OPTN: variants seen among roughly 807,000 people sequenced by gnomAD.
OPTN encodes the protein optineurin.
A neutral mutation model predicts 70.4 loss-of-function variants in OPTN; 54 were observed. The ratio of observed to expected loss-of-function variants is 0.77; its 90% CI spans 0.62 to 0.96. The LOEUF (loss-of-function observed/expected upper bound fraction) is 0.96, where lower values mean the gene tolerates loss of function less well. OPTN is among the 40% of genes least tolerant of loss of function. The pLI, the probability that OPTN is intolerant of heterozygous loss-of-function variation, is 0.00. For missense variants in OPTN, 624 were observed against 673.2 expected (o/e 0.93, Z 0.81); for synonymous variants, 256 against 248.5 (o/e 1.03, Z -0.28).
At chr10:13,109,016 G>T in intron 2 of OPTN, 96 bp from the exon 3 acceptor site, 1 of 1,106,134 alleles carries the variant, frequency 9.0e-7, no homozygotes, top group Non-Finnish European at 1.4e-6. Flanking sequence ...AACTTTTGGA[G>T]TAAGTATTAG....
At chr10:13,133,444 G>A (rs1833633408) in intron 13 of OPTN, 58 bp from the exon 14 acceptor site, 2 of 1,421,670 alleles carry the variant, frequency 1.4e-6, no homozygotes, top group South Asian at 1.1e-5. Context: ...TCTGCTCAGT[G>A]TTGTCATGTT....
At chr10:13,108,905 C>T (rs1288619924) in intron 2 of OPTN, 20 of 580,880 alleles carry the variant, frequency 3.4e-5, no homozygotes, top group Admixed American at 4.9e-5. Context: ...TGCACACATG[C>T]GCGTGCACAC....
intron 8 of OPTN, among the ~76,000 whole-genome samples, chr10:13,123,432 G>A (rs1328087204): frequency 1.3e-5 from 2 of 152,194 alleles, no homozygotes; most frequent in African/African-American, 4.8e-5. Flanking sequence ...GTTGAAAGAA[G>A]AGAGAACATT....
intron 10 of OPTN, 149 bp downstream of exon 10, chr10:13,125,716 G>A (rs1833443735): frequency 3.2e-6 from 3 of 934,924 alleles, no homozygotes; most frequent in South Asian, 3.3e-5. Flanking sequence ...TCAGAGAGGG[G>A]GATAAAATTT....
At chr10:13,127,374 A>G (rs825411) in intron 11 of OPTN, among the ~76,000 whole-genome samples, 78,687 of 152,128 alleles carry the variant, frequency 0.52, 20,362 homozygotes, top group Middle Eastern at 0.63. Context: ...GCAAAATAAC[A>G]GTATCAACGA....
rs77188146 is a variant in OPTN, at chr10:13,120,698, T to A, written c.779+1658T>A. Among the ~76,000 whole-genome samples the A allele has an allele frequency of 8.5e-3, 1,293 of 152,328 alleles. 13 individuals carry two copies. The highest frequency in any genetic ancestry group is 0.028 in the African/African-American group (1,166 of 41,560). ...TCATTAGACTCTCAGTTCTGTTTCA[T>A]TGATCTATGTTTGTCCTTACGCCAG... On this transcript the variant is annotated intron_variant, in intron 7 of 14. Coordinates refer to ENST00000378747, the MANE Select transcript of OPTN (RefSeq NM_001008212.2).
intron 5 of OPTN, among the ~76,000 whole-genome samples, chr10:13,115,402 CTG>C (rs1349454920): frequency 1.2e-4 from 10 of 81,086 alleles, no homozygotes; most frequent in Non-Finnish European, 2.1e-4. Flanking sequence ...ATAGATATAT[CTG>C]TATTTATATT....
At position 13,100,294 on chromosome 10, in the gene OPTN, G is replaced by T; in HGVS notation, c.-172G>T. ...CAGTGACCCTGAGCGAAGCCAAGCC[G>T]GGCGGCAGGTGAGCCAGGGCAGGGG... On this transcript the variant is annotated 5_prime_UTR_variant, in exon 1 of 15. Coordinates refer to ENST00000378747, the MANE Select transcript of OPTN (RefSeq NM_001008212.2). 1 of 152,592 alleles carries T rather than the reference G, an allele frequency of 6.6e-6. No individual in the cohort carries two copies. Among genetic ancestry groups the T allele is most frequent in the South Asian group, 2.0e-4 (1 of 4,924 alleles). 9.5% of individuals were successfully genotyped at this position (152,592 alleles called of 1,614,324 possible).
intron 2 of OPTN, chr10:13,108,837 C>A (rs935236446): frequency 1.5e-5 from 6 of 405,138 alleles, no homozygotes; most frequent in Non-Finnish European, 2.8e-5. Flanking sequence ...TGAGCCACCA[C>A]GCCCGGCCCT....
chr10:13,109,295 A>G lies in OPTN; in HGVS notation c.166+7A>G, dbSNP rs778199952. ...GAGAACCACCAGCTGAAAGGTGAGC[A>G]GGGCTGGCCCCTGTGTGCCCCATTC... On this transcript the variant is annotated splice_region_variant and intron_variant, in intron 3 of 14. Transcript: ENST00000378747. The G allele has an allele frequency of 1.2e-6, 2 of 1,613,828 alleles. No homozygotes were observed. Among genetic ancestry groups the G allele is most frequent in the East Asian group, 4.5e-5 (2 of 44,878 alleles).
At chr10:13,117,809 C>CA (rs1216363526) in intron 6 of OPTN, among the ~76,000 whole-genome samples, 3 of 152,094 alleles carry the variant, frequency 2.0e-5, no homozygotes, top group African/African-American at 7.2e-5. Flanking sequence ...GAATGACTTA[C>CA]AAAACGTGAA....
At chr10:13,117,904 A>AT (rs1689727070) in intron 6 of OPTN, among the ~76,000 whole-genome samples, 1 of 152,236 alleles carries the variant, frequency 6.6e-6, no homozygotes, top group African/African-American at 2.4e-5. Context: ...AAACACAGTA[A>AT]TTGGCATAAA....
intron 14 of OPTN, among the ~76,000 whole-genome samples, chr10:13,134,514 C>T (rs2131531828): frequency 6.6e-6 from 1 of 152,304 alleles, no homozygotes; most frequent in Non-Finnish European, 1.5e-5. Context: ...ATCACTGCAA[C>T]CTCCGCCTCC....
chr10:13,133,641 A>C, intron 14 of OPTN, 60 bp downstream of exon 14: 7 of 1,485,150 alleles, frequency 4.7e-6, no homozygotes, highest in Admixed American at 1.7e-5. Context: ...AAGATGCTTG[A>C]AGAAAAATTC....
At chr10:13,102,432 A>G (rs1440054501) in intron 1 of OPTN, among the ~76,000 whole-genome samples, 1 of 152,252 alleles carries the variant, frequency 6.6e-6, no homozygotes, top group African/African-American at 2.4e-5. Flanking sequence ...ACAGGGCTGA[A>G]AGCCAGTCAT....
intron 5 of OPTN, among the ~76,000 whole-genome samples, chr10:13,113,759 A>C (rs1199813711): frequency 6.6e-6 from 1 of 152,144 alleles, no homozygotes; most frequent in Non-Finnish European, 1.5e-5. Context: ...TACATATCTG[A>C]TACAGGAAAA....
At chr10:13,118,656 G>GT (rs1833273517) in intron 6 of OPTN, among the ~76,000 whole-genome samples, 1 of 152,182 alleles carries the variant, frequency 6.6e-6, no homozygotes, top group South Asian at 2.1e-4. Context: ...TGTGTGCATT[G>GT]TAAGCTGGCC....
At chr10:13,119,823 T>C (rs1308123630) in intron 7 of OPTN, among the ~76,000 whole-genome samples, 1 of 152,222 alleles carries the variant, frequency 6.6e-6, no homozygotes, top group Non-Finnish European at 1.5e-5. Context: ...CATCTTTTCA[T>C]GTTGACCGTT....
At chr10:13,118,303 A>G (rs1424531521) in intron 6 of OPTN, among the ~76,000 whole-genome samples, 4 of 152,206 alleles carry the variant, frequency 2.6e-5, no homozygotes, top group African/African-American at 7.2e-5. Context: ...AACAGTGATC[A>G]TGATTCTGTT....
Sources: gnomAD v4.1 joint callset for allele counts (sites outside exome capture counted in the v4.1 genomes callset) on GRCh38, gnomAD v4.1.1 for gene constraint, MANE v1.5 for transcripts, NCBI Gene and HGNC (gene_info 2026-07-23, HGNC 2026-07-21) for gene names.